MSRA: variants seen among roughly 807,000 people sequenced by gnomAD.
The protein encoded by MSRA is mitochondrial peptide methionine sulfoxide reductase.
In MSRA, 54 loss-of-function variants were observed where a neutral mutation model predicts 31.3. The observed-to-expected ratio is 1.73, with a 90% CI of 1.39 to 2.17. The LOEUF is 2.17. MSRA is among the 30% of genes most tolerant of loss of function. The pLI is 0.00. For synonymous variants in MSRA, 169 were observed against 116.5 expected (o/e 1.45, Z -2.90); for missense variants, 507 against 300.9 (o/e 1.69, Z -5.07).
intron 5 of MSRA, among the ~76,000 whole-genome samples, chr8:10,393,866 G>A (rs1806921495): frequency 6.6e-6 from 1 of 152,210 alleles, no homozygotes; most frequent in Non-Finnish European, 1.5e-5. Flanking sequence ...TTCAGGCTTT[G>A]TGCATGTACA....
In MSRA at chr8:10,132,863, T is replaced by A. The variant is rs377154336; in HGVS notation, c.143-74970T>A. On this transcript the variant is annotated intron_variant, in intron 1 of 5. Coordinates refer to ENST00000317173, the MANE Select transcript of MSRA (RefSeq NM_012331.5). ...GTACACAAAGGTATGTCTTTTGACT[T>A]GTCTAGATGGACCCCATAATGCAGA... Among the ~76,000 whole-genome samples, 4 of 152,334 alleles carry A rather than the reference T, an allele frequency of 2.6e-5. No individual in the cohort carries two copies. The South Asian group carries it at 8.3e-4, about 32-fold the overall frequency.
intron 5 of MSRA, among the ~76,000 whole-genome samples, chr8:10,329,901 C>G (rs1445839011): frequency 6.6e-6 from 1 of 151,692 alleles, no homozygotes; most frequent in Non-Finnish European, 1.5e-5. Context: ...TCAAAACAGA[C>G]CCAATTTTAC....
chr8:10,361,819 CTTAT>C (rs534925043), intron 5 of MSRA, among the ~76,000 whole-genome samples: 184 of 152,244 alleles, frequency 1.2e-3, no homozygotes, highest in Admixed American at 0.01. Flanking sequence ...GTCTTCCTAA[CTTAT>C]TTGTTTTAAA....
At chr8:10,078,096 C>T (rs980693865) in intron 1 of MSRA, among the ~76,000 whole-genome samples, 6 of 152,204 alleles carry the variant, frequency 3.9e-5, no homozygotes, top group South Asian at 4.1e-4. Context: ...TGCCCTAAAG[C>T]CAAATTGGGA....
chr8:10,136,189 C>A (rs116483834), intron 1 of MSRA, among the ~76,000 whole-genome samples: 3 of 152,092 alleles, frequency 2.0e-5, no homozygotes, highest in African/African-American at 7.2e-5. Context: ...ACAGGGACCC[C>A]GGGCAGAGAG....
At chr8:10,066,367 G>A (rs949453348) in intron 1 of MSRA, among the ~76,000 whole-genome samples, 2 of 152,166 alleles carry the variant, frequency 1.3e-5, no homozygotes, top group Non-Finnish European at 2.9e-5. Context: ...ACTAACCAAT[G>A]TTCAGACCCG....
At chr8:10,057,064 A>G (rs1473365523) in intron 1 of MSRA, among the ~76,000 whole-genome samples, 1 of 152,178 alleles carries the variant, frequency 6.6e-6, no homozygotes, top group Non-Finnish European at 1.5e-5. Flanking sequence ...CAAGATTTCC[A>G]CCTTGCAAGA....
chr8:10,425,440 G>GGGAGGA (rs1212184558), intron 5 of MSRA, among the ~76,000 whole-genome samples: 6 of 152,222 alleles, frequency 3.9e-5, no homozygotes, highest in African/African-American at 1.4e-4. Context: ...TGGCTGCGAA[G>GGGAGGA]GGAGGAGGAG....
chr8:10,404,853 G>A (rs1807702703), intron 5 of MSRA, among the ~76,000 whole-genome samples: 1 of 152,088 alleles, frequency 6.6e-6, no homozygotes, highest in Admixed American at 6.5e-5. Context: ...CACTTCCCAA[G>A]CACGGCATCC....
intron 1 of MSRA, among the ~76,000 whole-genome samples, chr8:10,086,632 GTGTTTCTTAT>G (rs1798570344): frequency 6.6e-6 from 1 of 152,134 alleles, no homozygotes; most frequent in African/African-American, 2.4e-5. Context: ...AGAGTGCAAA[GTGTTTCTTAT>G]TGTGGCGGTT....
intron 5 of MSRA, among the ~76,000 whole-genome samples, chr8:10,401,942 C>G (rs1028563226): frequency 4.6e-5 from 7 of 152,000 alleles, no homozygotes; most frequent in African/African-American, 1.7e-4. Flanking sequence ...GAATTTCTGT[C>G]GGATGATGAC....
intron 5 of MSRA, among the ~76,000 whole-genome samples, chr8:10,398,418 C>T (rs1807237608): frequency 6.6e-6 from 1 of 152,244 alleles, no homozygotes; most frequent in African/African-American, 2.4e-5. Context: ...AGGCCAGCAG[C>T]AAAGTTGTTC....
intron 1 of MSRA, among the ~76,000 whole-genome samples, chr8:10,166,042 G>C (rs1447199701): frequency 6.6e-6 from 1 of 152,124 alleles, no homozygotes; most frequent in Non-Finnish European, 1.5e-5. Flanking sequence ...AGACCGTGTG[G>C]GCACAGGATG....
intron 1 of MSRA, among the ~76,000 whole-genome samples, chr8:10,136,081 A>T (rs993487827): frequency 6.6e-6 from 1 of 152,124 alleles, no homozygotes; most frequent in Non-Finnish European, 1.5e-5. Flanking sequence ...GGAACACTGT[A>T]TTCTATCCAT....
At chr8:10,337,766 C>T in intron 5 of MSRA, 1 of 702,682 alleles carries the variant, frequency 1.4e-6, no homozygotes, top group South Asian at 1.5e-5. Context: ...CTCCTCTGCT[C>T]AACTCGCCTG....
At chr8:10,368,544 G>C (rs993073534) in intron 5 of MSRA, among the ~76,000 whole-genome samples, 1 of 152,220 alleles carries the variant, frequency 6.6e-6, no homozygotes, top group East Asian at 1.9e-4. Context: ...ACACCGGAGT[G>C]GGGTGGTCCC....
In MSRA at chr8:10,110,428, C is replaced by T. The variant is rs540173340; in HGVS notation, c.142+55770C>T. Among the ~76,000 whole-genome samples, 35 of 152,290 alleles carry T rather than the reference C, an allele frequency of 2.3e-4. No individual in the cohort carries two copies. The South Asian group carries it at 5.6e-3, about 24-fold the overall frequency. On this transcript the variant is annotated intron_variant, in intron 1 of 5. Transcript: ENST00000317173. Reference sequence around the variant, plus strand: ...TGGTTGTCAGGGGCCAAAGGAGACTCCACTGAGTCAGCCTCACTGCTGGCT... The same window carrying T: ...TGGTTGTCAGGGGCCAAAGGAGACTTCACTGAGTCAGCCTCACTGCTGGCT...
intron 4 of MSRA, among the ~76,000 whole-genome samples, chr8:10,313,722 A>T (rs529606504): frequency 2.0e-4 from 31 of 152,344 alleles, no homozygotes; most frequent in African/African-American, 7.0e-4. Flanking sequence ...AAGTCCAAGA[A>T]AAGCAAAGAT....
At chr8:10,341,971 T>G (rs1380835558) in intron 5 of MSRA, among the ~76,000 whole-genome samples, 1 of 152,158 alleles carries the variant, frequency 6.6e-6, no homozygotes, top group African/African-American at 2.4e-5. Flanking sequence ...GCCTCTTGTG[T>G]GCTAGGCTCC....
Sources: gnomAD v4.1 joint callset for allele counts (sites outside exome capture counted in the v4.1 genomes callset) on GRCh38, gnomAD v4.1.1 for gene constraint, MANE v1.5 for transcripts, NCBI Gene and HGNC (gene_info 2026-07-23, HGNC 2026-07-21) for gene names.